Variants in MORN1 observed in about 807,000 individuals in gnomAD.
MORN1 encodes MORN repeat containing 1, also known as MORN repeat-containing protein 1.
Under a neutral mutation model 61.9 loss-of-function variants are expected in MORN1, and 67 were observed. That is an observed-to-expected ratio of 1.08 (90% CI 0.89 to 1.33). The LOEUF (loss-of-function observed/expected upper bound fraction) is 1.33, where lower values mean the gene tolerates loss of function less well. Ranked by LOEUF, MORN1 falls within the 40% of genes most tolerant of loss-of-function variation. The pLI, the probability that MORN1 is intolerant of heterozygous loss-of-function variation, is 0.00. For synonymous variants in MORN1, 301 were observed against 292.0 expected, an observed-to-expected ratio of 1.03 and a Z score of -0.31; for missense variants, 752 against 691.2, an observed-to-expected ratio of 1.09 and a Z score of -0.99.
chr1:2,388,201 G>GA (rs1156686058), intron 3 of MORN1, 38 bp downstream of exon 3: 1 of 1,527,124 alleles, frequency 6.5e-7, no homozygotes, highest in South Asian at 1.1e-5. Flanking sequence ...GATGGGTTAT[G>GA]AGAAAGGAGT....
At chr1:2,341,570 A>C (rs981094799) in intron 10 of MORN1, among the ~76,000 whole-genome samples, 2 of 152,140 alleles carry the variant, frequency 1.3e-5, no homozygotes, top group Admixed American at 1.3e-4. Context: ...AGGTGCCTGT[A>C]ATCCCAGCTA....
intron 12 of MORN1, among the ~76,000 whole-genome samples, chr1:2,333,245 C>T (rs994887282): frequency 3.3e-5 from 5 of 152,226 alleles, no homozygotes; most frequent in African/African-American, 4.8e-5. Context: ...GGGCTGGCCC[C>T]GCTGCAACAG....
rs1557875132 is a variant in MORN1 at position 2,345,855 on chromosome 1, A to AC, written c.1037-9006_1037-9005insG. Among the ~76,000 whole-genome samples, 11 of 98,792 alleles carry AC rather than the reference A, an allele frequency of 1.1e-4. No individual in the cohort carries two copies. In the East Asian group the frequency reaches 2.7e-3, roughly 25 times the overall value. The allele number at this position is 98,792 out of a possible 152,430, so 64.8% of individuals were successfully genotyped here. A position where few individuals can be genotyped will look rare whatever the true frequency, so the allele number is the denominator to read the frequency against. Reference sequence around the variant, plus strand: ...CACACACACACACACACACACACACAGATGTTTGCTCTTATCTCTATGACG... The same window carrying AC: ...CACACACACACACACACACACACACACGATGTTTGCTCTTATCTCTATGACG... On this transcript the variant is annotated intron_variant, in intron 10 of 13. Transcript: ENST00000378531.
At chr1:2,379,252 T>G (rs1320954532) in intron 6 of MORN1, 1 of 432,668 alleles carries the variant, frequency 2.3e-6, no homozygotes, top group Non-Finnish European at 4.8e-6. Context: ...GCCAAGGGCA[T>G]GATCCGAGGT....
Position 2,323,898 on chromosome 1 carries a change from C to T in MORN1, c.1297+199G>A. The T allele has an allele frequency of 3.0e-6, 3 of 985,154 alleles. No homozygotes were observed. In the South Asian group the frequency reaches 1.4e-4, roughly 46 times the overall value. 61.0% of individuals were successfully genotyped at this position (985,154 alleles called of 1,614,324 possible). ...CAGCTTCAAATCTTTCTGGACCGTC[C>T]CCAGCCCCCAAGCCACCAGCCCCCT... On this transcript the variant is annotated intron_variant, in intron 13 of 13. Coordinates refer to ENST00000378531, the MANE Select transcript of MORN1 (RefSeq NM_024848.3).
In MORN1 at chr1:2,382,423, G is replaced by A. The variant is rs115607014; in HGVS notation, c.537+2555C>T. 2.8e-3 allele frequency among the ~76,000 whole-genome samples: 420 copies of A among 152,318 alleles called. 4 individuals are homozygous for A. The highest frequency in any genetic ancestry group is 9.7e-3 in the African/African-American group (402 of 41,568). ...AATGCACCGAAAGGCTGACAGCAGC[G>A]CCTGGCACCCAGGAAGTGAAACCAC... On this transcript the variant is annotated intron_variant, in intron 6 of 13. Coordinates refer to ENST00000378531, the MANE Select transcript of MORN1 (RefSeq NM_024848.3).
At chr1:2,325,123 C>CCTTCCT (rs1640981215) in intron 12 of MORN1, among the ~76,000 whole-genome samples, 1 of 40,176 alleles carries the variant, frequency 2.5e-5, no homozygotes, top group African/African-American at 2.0e-4. Context: ...CCTTCCTTCC[C>CCTTCCT]TTCCTTCCTT....
rs753700126 is a variant in MORN1 at position 2,390,008 on chromosome 1, G to A, written c.77-12C>T. On this transcript the variant is annotated splice_polypyrimidine_tract_variant and intron_variant, in intron 1 of 13. Transcript: ENST00000378531. ...GTAGACACCATAACCTGAGTATTGA[G>A]AAGACACACACAGGTAAGCACAGAC... 6.2e-7 allele frequency: 1 copy of A among 1,608,210 alleles called. No individual in the cohort carries two copies. The highest frequency in any genetic ancestry group is 1.1e-5 in the South Asian group (1 of 90,956).
intron 1 of MORN1, chr1:2,390,580 T>A: frequency 1.0e-6 from 1 of 985,298 alleles, no homozygotes; most frequent in Non-Finnish European, 1.2e-6. Flanking sequence ...CAGGCACATT[T>A]TGTGGGCAGG....
intron 12 of MORN1, among the ~76,000 whole-genome samples, chr1:2,327,413 GA>G (rs1641057265): frequency 6.7e-6 from 1 of 149,778 alleles, no homozygotes; most frequent in African/African-American, 2.5e-5. Flanking sequence ...CAAACACAGA[GA>G]CACAGAGACA....
chr1:2,329,852 A>AGAT (rs1641110725), intron 12 of MORN1, among the ~76,000 whole-genome samples: 1 of 152,226 alleles, frequency 6.6e-6, no homozygotes, highest in Non-Finnish European at 1.5e-5. Flanking sequence ...GAATGCTCAG[A>AGAT]GATGGCACCA....
intron 1 of MORN1, among the ~76,000 whole-genome samples, chr1:2,391,139 C>T (rs1232501181): frequency 6.6e-6 from 1 of 152,140 alleles, no homozygotes; most frequent in East Asian, 1.9e-4. Context: ...GCTTCGGGAT[C>T]CCCATGGCAA....
chr1:2,375,496 G>A (rs935401882), intron 6 of MORN1: 1 of 152,498 alleles, frequency 6.6e-6, no homozygotes, highest in Admixed American at 6.5e-5. Flanking sequence ...TGGCTGCAGG[G>A]AGACAGGGCC....
intron 10 of MORN1, among the ~76,000 whole-genome samples, chr1:2,349,897 A>C (rs1481088908): frequency 6.6e-6 from 1 of 152,236 alleles, no homozygotes; most frequent in Non-Finnish European, 1.5e-5. Flanking sequence ...CATGAAAAAA[A>C]AGAAGAAAAG....
intron 4 of MORN1, 48 bp from the exon 5 acceptor site, chr1:2,385,945 A>T (rs770315340): frequency 3.9e-6 from 6 of 1,519,188 alleles, no homozygotes; most frequent in Non-Finnish European, 5.5e-6. Context: ...CTCCTCCTGC[A>T]TCTGAGAAGG....
chr1:2,342,867 A>ATTTTATTTTATTTTAT (rs370414567), intron 10 of MORN1, among the ~76,000 whole-genome samples: 11 of 101,114 alleles, frequency 1.1e-4, no homozygotes, highest in Admixed American at 4.0e-4. Context: ...ATTTTATTTT[A>ATTTTATTTTATTTTAT]TTTATTTTAT....
intron 10 of MORN1, among the ~76,000 whole-genome samples, chr1:2,347,751 C>T (rs920022058): frequency 4.6e-5 from 7 of 152,130 alleles, no homozygotes; most frequent in African/African-American, 7.2e-5. Flanking sequence ...CCTTGAGGCT[C>T]CTGCTCGGCC....
At chr1:2,389,429 CAG>C (rs1436147070) in intron 2 of MORN1, among the ~76,000 whole-genome samples, 1 of 152,210 alleles carries the variant, frequency 6.6e-6, no homozygotes, top group African/African-American at 2.4e-5. Context: ...TTACCACAAC[CAG>C]CTATTATTGT....
chr1:2,385,631 A>G, intron 5 of MORN1, 176 bp downstream of exon 5: 1 of 583,286 alleles, frequency 1.7e-6, no homozygotes, highest in Non-Finnish European at 3.1e-6. Flanking sequence ...TAACACCGAA[A>G]CCACAGAATG....
Sources: gnomAD v4.1 joint callset for allele counts (sites outside exome capture counted in the v4.1 genomes callset) on GRCh38, gnomAD v4.1.1 for gene constraint, MANE v1.5 for transcripts, NCBI Gene and HGNC (gene_info 2026-07-23, HGNC 2026-07-21) for gene names.